FBXL13: variants seen among roughly 807,000 people sequenced by gnomAD.
The protein encoded by FBXL13 is F-box and leucine-rich repeat protein 13.
Under a neutral mutation model 83.6 loss-of-function variants are expected in FBXL13, and 67 were observed. The observed-to-expected ratio is 0.80, with a 90% CI of 0.66 to 0.98. The LOEUF (loss-of-function observed/expected upper bound fraction) is 0.98, where lower values mean the gene tolerates loss of function less well. Ranked by LOEUF, FBXL13 falls within the 50% of genes least tolerant of loss-of-function variation. The pLI is 0.00. For missense variants in FBXL13, 822 were observed against 866.5 expected (o/e 0.95, Z 0.64); for synonymous variants, 272 against 299.5 (o/e 0.91, Z 0.95).
At chr7:102,966,932 C>T (rs978822024) in intron 7 of FBXL13, among the ~76,000 whole-genome samples, 4 of 152,116 alleles carry the variant, frequency 2.6e-5, no homozygotes, top group African/African-American at 7.2e-5. Context: ...CATACCATCA[C>T]CCAGGTACAC....
chr7:103,020,673 T>A (rs1446841801), intron 6 of FBXL13, among the ~76,000 whole-genome samples: 1 of 152,160 alleles, frequency 6.6e-6, no homozygotes, highest in Non-Finnish European at 1.5e-5. Context: ...AACACAAGCA[T>A]TCCTATACAC....
At position 102,893,932 on chromosome 7, in the gene FBXL13, C is replaced by T. The variant is rs560679627; in HGVS notation, c.1009-9620G>A. On this transcript the variant is annotated intron_variant, in intron 11 of 19. Transcript: ENST00000313221. ...GAGGGGAAAGAAAGAGAGAGAGAGACAGAGAAAGAGAAAGAAAGAAAGAAA... is the reference window on the plus strand; with the variant it reads ...GAGGGGAAAGAAAGAGAGAGAGAGATAGAGAAAGAGAAAGAAAGAAAGAAA... Among the ~76,000 whole-genome samples, 520 of 127,976 alleles carry T rather than the reference C, an allele frequency of 4.1e-3. 5 individuals carry two copies. Among genetic ancestry groups the T allele is most frequent in the South Asian group, 0.019 (77 of 3,974 alleles). 84.0% of individuals were successfully genotyped at this position (127,976 alleles called of 152,430 possible). A position where few individuals can be genotyped will look rare whatever the true frequency, so the allele number is the denominator to read the frequency against.
rs150941932 is a variant in FBXL13, at chr7:102,952,047, A to C, written c.724+11486T>G. ...AGAAATGCTGACACATGCTAAAATA[A>C]GTAAACCCTGACGACATTGTGCTAA... On this transcript the variant is annotated intron_variant, in intron 8 of 19. Coordinates refer to ENST00000313221, the Ensembl canonical transcript of FBXL13. Among the ~76,000 whole-genome samples the C allele has an allele frequency of 2.8e-4, 42 of 152,328 alleles. No individual in the cohort carries two copies. In the East Asian group the frequency reaches 7.7e-3, roughly 28 times the overall value.
intron 8 of FBXL13, among the ~76,000 whole-genome samples, chr7:102,947,258 G>A (rs770601752): frequency 3.3e-5 from 5 of 152,182 alleles, no homozygotes; most frequent in Non-Finnish European, 5.9e-5. Context: ...CACACTGGAG[G>A]CAAGAGGATT....
At chr7:102,937,422 G>A (rs989337704) in intron 8 of FBXL13, among the ~76,000 whole-genome samples, 2 of 146,244 alleles carry the variant, frequency 1.4e-5, no homozygotes, top group African/African-American at 5.1e-5. Context: ...CATGAGAATC[G>A]CTTGAACTCT....
intron 17 of FBXL13, among the ~76,000 whole-genome samples, chr7:102,839,685 A>T (rs949544440): frequency 1.3e-5 from 2 of 152,148 alleles, no homozygotes; most frequent in African/African-American, 2.4e-5. Flanking sequence ...GACCTCAGGG[A>T]TCCGCCTGCC....
chr7:102,907,327 T>A (rs1456056171), intron 11 of FBXL13, among the ~76,000 whole-genome samples: 1 of 152,206 alleles, frequency 6.6e-6, no homozygotes, highest in Non-Finnish European at 1.5e-5. Flanking sequence ...ATTCTTTTTT[T>A]TTATTATTAT....
chr7:102,860,657 AGT>A (rs1382549608), intron 16 of FBXL13, among the ~76,000 whole-genome samples: 4 of 151,284 alleles, frequency 2.6e-5, no homozygotes, highest in African/African-American at 7.3e-5. Flanking sequence ...TCAATGAACT[AGT>A]TACCAAATGT....
chr7:102,859,400 G>GT (rs914005514), intron 16 of FBXL13, among the ~76,000 whole-genome samples: 81 of 149,704 alleles, frequency 5.4e-4, no homozygotes, highest in African/African-American at 6.8e-4. Context: ...TTTAATGTGG[G>GT]TTTTTTTTTT....
intron 6 of FBXL13, among the ~76,000 whole-genome samples, chr7:102,975,281 C>A (rs2129482785): frequency 6.6e-6 from 1 of 152,350 alleles, no homozygotes; most frequent in East Asian, 1.9e-4. Context: ...GACCCTACCT[C>A]TTACATTAGA....
intron 10 of FBXL13, among the ~76,000 whole-genome samples, chr7:102,915,251 G>T (rs1489312878): frequency 6.6e-6 from 1 of 150,892 alleles, no homozygotes; most frequent in Non-Finnish European, 1.5e-5. Flanking sequence ...ACAATTAAAT[G>T]AGAATACAGA....
intron 10 of FBXL13, among the ~76,000 whole-genome samples, chr7:102,922,622 C>A (rs555146442): frequency 6.6e-6 from 1 of 152,302 alleles, no homozygotes; most frequent in East Asian, 1.9e-4. Context: ...ACAATGTTTT[C>A]ATTGACTTTT....
At chr7:102,846,959 T>C (rs1381062119) in intron 17 of FBXL13, among the ~76,000 whole-genome samples, 1 of 152,194 alleles carries the variant, frequency 6.6e-6, no homozygotes, top group Non-Finnish European at 1.5e-5. Context: ...GAATGGTGTT[T>C]ATATATTTTG....
chr7:102,972,063 T>C (rs1364557332), intron 6 of FBXL13, among the ~76,000 whole-genome samples: 6 of 150,092 alleles, frequency 4.0e-5, no homozygotes, highest in African/African-American at 1.5e-4. Flanking sequence ...CTTTGAGACA[T>C]AGACTGAGAG....
At chr7:102,945,757 G>A (rs1822365690) in intron 8 of FBXL13, among the ~76,000 whole-genome samples, 1 of 152,164 alleles carries the variant, frequency 6.6e-6, no homozygotes, top group Non-Finnish European at 1.5e-5. Context: ...TTCCTTTCAT[G>A]CTGAGTTGAA....
chr7:102,848,026 G>C (rs1804342934), intron 17 of FBXL13, among the ~76,000 whole-genome samples: 1 of 152,084 alleles, frequency 6.6e-6, no homozygotes, highest in African/African-American at 2.4e-5. Flanking sequence ...ACTAGACATA[G>C]ATGTACCTTT....
rs1255558587 is a variant in FBXL13 at position 102,848,295 on chromosome 7, G to A, written c.1719+6482C>T. Among the ~76,000 whole-genome samples the A allele has an allele frequency of 6.4e-5, 3 of 46,520 alleles. 1 individual carries two copies. The highest frequency in any genetic ancestry group is 5.2e-4 in the African/African-American group (2 of 3,820). The allele number at this position is 46,520 out of a possible 152,430, so 30.5% of individuals were successfully genotyped here. On this transcript the variant is annotated intron_variant, in intron 17 of 19. Coordinates refer to ENST00000313221, the Ensembl canonical transcript of FBXL13. The stretch of plus-strand genomic sequence containing the variant: ...TTCGAGGCCGGGCGCGGTGGCTCAC[G>A]CCTGTAATCCCAGCACTTTGGGAGG...
At chr7:102,973,637 G>A (rs772053164) in intron 6 of FBXL13, 19 of 766,182 alleles carry the variant, frequency 2.5e-5, no homozygotes, top group Middle Eastern at 2.3e-4. Context: ...AAACCCGGGA[G>A]GGGCTCCGGT....
At chr7:102,819,936 T>A (rs918701907) in intron 19 of FBXL13, among the ~76,000 whole-genome samples, 1 of 152,220 alleles carries the variant, frequency 6.6e-6, no homozygotes, top group Admixed American at 6.5e-5. Flanking sequence ...GAAAGCTGCA[T>A]GCAACTAGGC....
Sources: gnomAD v4.1 joint callset for allele counts (sites outside exome capture counted in the v4.1 genomes callset) on GRCh38, gnomAD v4.1.1 for gene constraint, MANE v1.5 for transcripts, NCBI Gene and HGNC (gene_info 2026-07-23, HGNC 2026-07-21) for gene names.